Variants in NREP observed in about 807,000 individuals in gnomAD.
The protein encoded by NREP is neuronal regeneration related protein.
Under a neutral mutation model 8.6 loss-of-function variants are expected in NREP, and 5 were observed. That is an observed-to-expected ratio of 0.58 (90% CI 0.30 to 1.22). The LOEUF is 1.22. Among genes scored for constraint, NREP ranks in the 50% most tolerant of loss-of-function variants. The probability of loss-of-function intolerance (pLI) is 0.07; values close to 1 mark genes in which losing one functional copy is unlikely to be tolerated. For synonymous variants in NREP, 27 were observed against 28.0 expected (o/e 0.96, Z 0.11); for missense variants, 86 against 82.5 (o/e 1.04, Z -0.17).
intron 2 of NREP, among the ~76,000 whole-genome samples, chr5:111,940,286 G>A (rs955050138): frequency 6.6e-6 from 1 of 151,990 alleles, no homozygotes; most frequent in African/African-American, 2.4e-5. Context: ...TTAAGGATAG[G>A]GATAAAAGAT....
chr5:111,930,225 GAT>G (rs1755498901), intron 2 of NREP, among the ~76,000 whole-genome samples: 1 of 152,088 alleles, frequency 6.6e-6, no homozygotes, highest in Non-Finnish European at 1.5e-5. Context: ...GAGGAGATGA[GAT>G]ATAAGGCAAC....
intron 2 of NREP, among the ~76,000 whole-genome samples, chr5:111,910,714 G>A (rs1754889325): frequency 6.6e-6 from 1 of 152,018 alleles, no homozygotes. Flanking sequence ...GCTCCCCCAG[G>A]ACAGAAACCC....
intron 2 of NREP, among the ~76,000 whole-genome samples, chr5:111,786,381 G>A (rs929356481): frequency 4.8e-4 from 73 of 152,182 alleles, no homozygotes; most frequent in Middle Eastern, 3.4e-3. Flanking sequence ...TTATAGCAGC[G>A]TGAGAACAGA....
At chr5:111,862,485 C>T (rs1753571315) in intron 2 of NREP, among the ~76,000 whole-genome samples, 1 of 152,094 alleles carries the variant, frequency 6.6e-6, no homozygotes, top group Non-Finnish European at 1.5e-5. Flanking sequence ...GAGCTCTTTC[C>T]CTCAAGGCAG....
intron 2 of NREP, among the ~76,000 whole-genome samples, chr5:111,930,346 C>G (rs1037811520): frequency 9.9e-5 from 15 of 152,092 alleles, no homozygotes; most frequent in African/African-American, 3.4e-4. Flanking sequence ...AATGTAGTCC[C>G]CCACCCTCAA....
chr5:111,767,296 C>CAA (rs147980497), intron 2 of NREP, among the ~76,000 whole-genome samples: 3 of 149,950 alleles, frequency 2.0e-5, no homozygotes, highest in Non-Finnish European at 4.4e-5. Flanking sequence ...TCCTCCCCGC[C>CAA]AAAAAAAAAA....
intron 2 of NREP, among the ~76,000 whole-genome samples, chr5:111,832,988 A>G (rs951563682): frequency 6.6e-5 from 10 of 152,198 alleles, no homozygotes; most frequent in African/African-American, 2.2e-4. Context: ...TCCCTGACTA[A>G]TGTAGCTCCC....
intron 2 of NREP, among the ~76,000 whole-genome samples, chr5:111,764,402 C>T (rs1751033442): frequency 1.3e-5 from 2 of 152,200 alleles, no homozygotes; most frequent in South Asian, 4.1e-4. Context: ...TTCCACATGG[C>T]TGGAGAGGCC....
intron 2 of NREP, among the ~76,000 whole-genome samples, chr5:111,859,459 G>T (rs1055114798): frequency 5.3e-5 from 8 of 152,148 alleles, no homozygotes; most frequent in African/African-American, 9.7e-5. Context: ...ATGAGAGTGT[G>T]CCAGGGCAGC....
intron 2 of NREP, among the ~76,000 whole-genome samples, chr5:111,874,273 A>G (rs1235220883): frequency 6.6e-6 from 1 of 152,200 alleles, no homozygotes; most frequent in Non-Finnish European, 1.5e-5. Context: ...TTAACACTGT[A>G]TGTGTGCTCT....
chr5:111,884,575 A>G (rs1264821824), intron 2 of NREP, among the ~76,000 whole-genome samples: 2 of 152,084 alleles, frequency 1.3e-5, no homozygotes, highest in Non-Finnish European at 2.9e-5. Context: ...AAAATCCTCA[A>G]TAAAATACTG....
chr5:111,741,282 T>C (rs1290775087), intron 2 of NREP, among the ~76,000 whole-genome samples: 6 of 152,152 alleles, frequency 3.9e-5, no homozygotes. Context: ...ATAGTATGTG[T>C]CTGCATGTGT....
At chr5:111,813,235 C>G (rs1752308374) in intron 2 of NREP, among the ~76,000 whole-genome samples, 1 of 152,116 alleles carries the variant, frequency 6.6e-6, no homozygotes, top group Admixed American at 6.5e-5. Context: ...GTGATTTCAT[C>G]TATAGACTTT....
At chr5:111,933,336 A>G (rs138070537) in intron 2 of NREP, among the ~76,000 whole-genome samples, 1 of 152,136 alleles carries the variant, frequency 6.6e-6, no homozygotes, top group Non-Finnish European at 1.5e-5. Flanking sequence ...CTTAGTAGGA[A>G]GGAGACATGC....
At chr5:111,936,073 G>A (rs1424308145) in intron 2 of NREP, among the ~76,000 whole-genome samples, 2 of 152,106 alleles carry the variant, frequency 1.3e-5, no homozygotes, top group East Asian at 3.9e-4. Flanking sequence ...TCTTCCCATG[G>A]TGTTCTCCCC....
chr5:111,788,710 G>A (rs777085678), intron 2 of NREP, among the ~76,000 whole-genome samples: 1 of 152,202 alleles, frequency 6.6e-6, no homozygotes, highest in Admixed American at 6.5e-5. Flanking sequence ...CACACATGGT[G>A]ATGGTTAATT....
chr5:111,964,293 C>T (rs561485311), intron 2 of NREP, among the ~76,000 whole-genome samples: 1 of 152,208 alleles, frequency 6.6e-6, no homozygotes, highest in South Asian at 2.1e-4. Flanking sequence ...ATAATTTGTT[C>T]ATGTCATTGC....
chr5:111,777,667 G>C (rs1751397108), intron 2 of NREP, among the ~76,000 whole-genome samples: 1 of 152,028 alleles, frequency 6.6e-6, no homozygotes, highest in African/African-American at 2.4e-5. Context: ...CCAAAATGCT[G>C]TTTATGTAAC....
At chr5:111,944,078 A>G (rs1755909261) in intron 2 of NREP, among the ~76,000 whole-genome samples, 2 of 152,012 alleles carry the variant, frequency 1.3e-5, no homozygotes, top group Admixed American at 1.3e-4. Flanking sequence ...TTTTGATGAG[A>G]TATCAGTGAA....
Sources: gnomAD v4.1 joint callset for allele counts (sites outside exome capture counted in the v4.1 genomes callset) on GRCh38, gnomAD v4.1.1 for gene constraint, MANE v1.5 for transcripts, NCBI Gene and HGNC (gene_info 2026-07-23, HGNC 2026-07-21) for gene names.